The following UTP18 variants were observed in gnomAD, a reference collection of about 807,000 sequenced individuals.
The protein encoded by UTP18 is UTP18 small subunit processome component.
A neutral mutation model predicts 61.1 loss-of-function variants in UTP18; 36 were observed. The observed-to-expected ratio is 0.59, with a 90% CI of 0.45 to 0.78. The LOEUF (loss-of-function observed/expected upper bound fraction) is 0.78, where lower values mean the gene tolerates loss of function less well. UTP18 is among the 30% of genes least tolerant of loss of function. The pLI, the probability that UTP18 is intolerant of heterozygous loss-of-function variation, is 0.00. For synonymous variants in UTP18, 282 were observed against 251.1 expected (o/e 1.12, Z -1.16); for missense variants, 753 against 693.9 (o/e 1.09, Z -0.96).
chr17:51,280,444 T>C lies in UTP18; in HGVS notation c.1169T>C (p.Phe390Ser). The C allele has an allele frequency of 1.2e-5, 19 of 1,614,190 alleles. No individual in the cohort carries two copies. Among genetic ancestry groups the C allele is most frequent in the Non-Finnish European group, 1.5e-5 (18 of 1,180,034 alleles). Residue 390 changes from phenylalanine to serine, a missense_variant, in exon 9 of 14, where the codon TTC becomes TCC. Coordinates refer to ENST00000225298, the MANE Select transcript of UTP18 (RefSeq NM_016001.3). The part of the protein sequence containing the change: ...KINGRVAAST[F>S]SSDSKKVYAS... ...AATGGAAGGGTTGCAGCATCCACAT[T>C]CTCTTCAGATAGTAAGAAAGTATAC...
chr17:51,275,309 AAAAAC>A (rs1452684180), intron 5 of UTP18, among the ~76,000 whole-genome samples: 3 of 152,184 alleles, frequency 2.0e-5, no homozygotes, highest in African/African-American at 7.2e-5. Context: ...GGAAACCTGT[AAAAAC>A]AAAATAAATA....
At chr17:51,283,159 G>A (rs1379209377) in intron 9 of UTP18, among the ~76,000 whole-genome samples, 1 of 148,062 alleles carries the variant, frequency 6.8e-6, no homozygotes, top group Non-Finnish European at 1.5e-5. Context: ...GTGAGCCACC[G>A]CGCCCAGCCA....
At chr17:51,272,104 T>C (rs1390214008) in intron 4 of UTP18, among the ~76,000 whole-genome samples, 1 of 151,928 alleles carries the variant, frequency 6.6e-6, no homozygotes, top group African/African-American at 2.4e-5. Context: ...GTTGTTGTTG[T>C]TTGTGTTTTT....
chr17:51,294,996 GTCT>G (rs1431652338), intron 12 of UTP18, among the ~76,000 whole-genome samples: 3 of 151,928 alleles, frequency 2.0e-5, no homozygotes, highest in East Asian at 3.8e-4. Flanking sequence ...CTGCATAAAT[GTCT>G]TCTTTTGAGA....
At position 51,296,862 on chromosome 17, in the gene UTP18, A is replaced by G. The variant is rs979786746; in HGVS notation, c.1647-103A>G. On this transcript the variant is annotated intron_variant, in intron 12 of 13. Transcript: ENST00000225298. ...CTGGTGTGAATGATTGTGATTACAT[A>G]TTTTTCCCACTAAAATCTTCCTAAG... 6 of 1,094,130 alleles carry G rather than the reference A, an allele frequency of 5.5e-6. No individual in the cohort carries two copies. The African/African-American group carries it at 9.7e-5, about 18-fold the overall frequency. The allele number at this position is 1,094,130 out of a possible 1,614,324, so 67.8% of individuals were successfully genotyped here.
chr17:51,277,388 C>A, intron 7 of UTP18, 84 bp downstream of exon 7: 1 of 1,403,450 alleles, frequency 7.1e-7, no homozygotes, highest in Non-Finnish European at 9.7e-7. Context: ...TTTTTTCACT[C>A]CATAGGATTC....
intron 4 of UTP18, among the ~76,000 whole-genome samples, chr17:51,270,168 TTCTTCCCTTTTCTTTAAGAACTG>T (rs779334627): frequency 3.9e-5 from 6 of 152,142 alleles, no homozygotes; most frequent in Non-Finnish European, 4.4e-5. Flanking sequence ...TTTTTTCCCC[TTCTTCCCTTTTCTTTAAGAACTG>T]TTAGACAGTT....
At position 51,276,050 on chromosome 17, in the gene UTP18, C is replaced by T. The variant is rs1335961805; in HGVS notation, c.837+59C>T. The T allele has an allele frequency of 2.4e-5, 36 of 1,512,978 alleles. No homozygotes were observed. In the Admixed American group the frequency reaches 6.8e-4, roughly 29 times the overall value. The allele number at this position is 1,512,978 out of a possible 1,614,324, so 93.7% of individuals were successfully genotyped here. On this transcript the variant is annotated intron_variant, in intron 6 of 13. Transcript: ENST00000225298. ...GCATTATTTTTATTTAAGGACCAGA[C>T]ATTTGCAACCCCAAATGCAAAAATA...
At chr17:51,288,484 G>A in intron 11 of UTP18, 1 of 484,976 alleles carries the variant, frequency 2.1e-6, no homozygotes, top group Non-Finnish European at 4.0e-6. Context: ...TTAATGTTAA[G>A]GACTATATTT....
intron 10 of UTP18, among the ~76,000 whole-genome samples, chr17:51,285,609 T>G (rs1327550805): frequency 1.3e-5 from 2 of 152,228 alleles, no homozygotes; most frequent in African/African-American, 4.8e-5. Context: ...TTACCTGTGG[T>G]TAATCACAAT....
intron 11 of UTP18, among the ~76,000 whole-genome samples, chr17:51,291,202 A>G (rs746235516): frequency 3.3e-5 from 5 of 151,826 alleles, no homozygotes; most frequent in Non-Finnish European, 5.9e-5. Flanking sequence ...AAGAAGTTGG[A>G]TCTTTATAGG....
chr17:51,268,815 T>C, intron 3 of UTP18, 22 bp from the exon 4 acceptor site: 1 of 1,608,878 alleles, frequency 6.2e-7, no homozygotes, highest in Non-Finnish European at 8.5e-7. Flanking sequence ...CATAAATATA[T>C]TTTTCAAATA....
intron 3 of UTP18, 23 bp downstream of exon 3, chr17:51,266,303 T>C: frequency 6.5e-7 from 1 of 1,547,192 alleles, no homozygotes. Flanking sequence ...TTTCATATGA[T>C]TTACCAAGAG....
At chr17:51,287,275 C>T (rs1905143620) in intron 10 of UTP18, among the ~76,000 whole-genome samples, 1 of 152,070 alleles carries the variant, frequency 6.6e-6, no homozygotes, top group African/African-American at 2.4e-5. Flanking sequence ...ACCATTTAAG[C>T]TTTTAGAATC....
At chr17:51,276,456 A>G (rs1904726215) in intron 6 of UTP18, among the ~76,000 whole-genome samples, 1 of 152,244 alleles carries the variant, frequency 6.6e-6, no homozygotes, top group African/African-American at 2.4e-5. Flanking sequence ...GTTAGTGAAT[A>G]TATTCTCTCT....
chr17:51,280,176 C>G (rs1233926036), intron 8 of UTP18, 71 bp downstream of exon 8: 1 of 1,474,024 alleles, frequency 6.8e-7, no homozygotes, highest in East Asian at 2.3e-5. Flanking sequence ...TGCACCTTAA[C>G]TCAGTGTGTC....
chr17:51,275,783 C>A, intron 5 of UTP18, 83 bp from the exon 6 acceptor site: 103 of 1,088,040 alleles, frequency 9.5e-5, no homozygotes, highest in East Asian at 2.9e-4. Context: ...TCATTATAAA[C>A]TGTAATGTCT....
chr17:51,272,888 A>G (rs1904574875), intron 4 of UTP18, among the ~76,000 whole-genome samples: 1 of 152,232 alleles, frequency 6.6e-6, no homozygotes, highest in Admixed American at 6.5e-5. Context: ...GGGGAAAAGC[A>G]GCCCTATTTG....
At chr17:51,267,946 A>G (rs1354963781) in intron 3 of UTP18, among the ~76,000 whole-genome samples, 1 of 99,130 alleles carries the variant, frequency 1.0e-5, no homozygotes, top group Non-Finnish European at 2.0e-5. Context: ...TTCTGCATCA[A>G]AAAATTAAAA....
Sources: gnomAD v4.1 joint callset for allele counts (sites outside exome capture counted in the v4.1 genomes callset) on GRCh38, gnomAD v4.1.1 for gene constraint, MANE v1.5 for transcripts, NCBI Gene and HGNC (gene_info 2026-07-23, HGNC 2026-07-21) for gene names.